IL2RA: variants seen among roughly 807,000 people sequenced by gnomAD.
IL2RA encodes the protein interleukin 2 receptor subunit alpha, also known as interleukin-2 receptor subunit alpha.
IL2RA carries 24 observed loss-of-function variants against 37.8 expected under a neutral mutation model. The ratio of observed to expected loss-of-function variants is 0.63; its 90% CI spans 0.46 to 0.89. The LOEUF (loss-of-function observed/expected upper bound fraction) is 0.89. Ranked by LOEUF, IL2RA falls within the 40% of genes least tolerant of loss-of-function variation. The pLI is 0.00. For synonymous variants in IL2RA, 125 were observed against 114.6 expected, an observed-to-expected ratio of 1.09 and a Z score of -0.58; for missense variants, 319 against 348.6, an observed-to-expected ratio of 0.92 and a Z score of 0.68.
At position 6,018,482 on chromosome 10, in the gene IL2RA, C is replaced by T. The variant is rs902731115; in HGVS notation, c.728-363G>A. ...CACATTAACATCTCCTGAAAGAGGTCGGGTTTTCCAGATGCTGCTCTGCTG... is the reference window on the plus strand; with the variant it reads ...CACATTAACATCTCCTGAAAGAGGTTGGGTTTTCCAGATGCTGCTCTGCTG... On this transcript the variant is annotated intron_variant, in intron 6 of 7. Coordinates refer to ENST00000379959, the MANE Select transcript of IL2RA (RefSeq NM_000417.3). This position sits in a 1 kb window ranked among gnomAD's most constrained non-coding sequence, Gnocchi z 5.1. Among the ~76,000 whole-genome samples, 4 of 152,060 alleles carry T rather than the reference C, an allele frequency of 2.6e-5. No individual in the cohort carries two copies. The highest frequency in any genetic ancestry group is 2.4e-5 in the African/African-American group (1 of 41,370).
intron 1 of IL2RA, among the ~76,000 whole-genome samples, chr10:6,061,212 A>C (rs1361495460): frequency 6.6e-6 from 1 of 152,122 alleles, no homozygotes; most frequent in Non-Finnish European, 1.5e-5. Flanking sequence ...AACATGGCAA[A>C]AACCCCATCT....
rs1050858001 is a variant in IL2RA at position 6,056,394 on chromosome 10, C to T, written c.64+5694G>A. Among the ~76,000 whole-genome samples, 169 of 152,224 alleles carry T rather than the reference C, an allele frequency of 1.1e-3. No homozygotes were observed. Among genetic ancestry groups the T allele is most frequent in the African/African-American group, 3.9e-3 (161 of 41,442 alleles). ...TTAAGAGGGCTGGATTCAAGTTCAGCTTCTATGTGAACTCTTTCAGTGAAG... is the reference window on the plus strand; with the variant it reads ...TTAAGAGGGCTGGATTCAAGTTCAGTTTCTATGTGAACTCTTTCAGTGAAG... On this transcript the variant is annotated intron_variant, in intron 1 of 7. Transcript: ENST00000379959. The surrounding 1 kb of genome is among the most constrained non-coding windows in gnomAD (Gnocchi z 5.0).
intron 1 of IL2RA, among the ~76,000 whole-genome samples, chr10:6,043,438 GT>G (rs1488834875): frequency 6.6e-6 from 1 of 151,714 alleles, no homozygotes; most frequent in East Asian, 1.9e-4. Context: ...TTTTGTTTGT[GT>G]TTGTTTTGTT....
chr10:6,056,905 C>T lies in IL2RA; in HGVS notation c.64+5183G>A, dbSNP rs542799709. Among the ~76,000 whole-genome samples, 1 of 152,224 alleles carries T rather than the reference C, an allele frequency of 6.6e-6. No individual in the cohort carries two copies. Among genetic ancestry groups the T allele is most frequent in the East Asian group, 1.9e-4 (1 of 5,178 alleles). ...CACAAGCAAACAAACAGCAGAGGAC[C>T]CCGCCCTCCCTGTCCAGGGCAGGAG... On this transcript the variant is annotated intron_variant, in intron 1 of 7. Coordinates refer to ENST00000379959, the MANE Select transcript of IL2RA (RefSeq NM_000417.3). The surrounding 1 kb of genome is among the most constrained non-coding windows in gnomAD (Gnocchi z 5.0).
rs1346375358 is a variant in IL2RA, at chr10:6,057,978, T to C, written c.64+4110A>G. On this transcript the variant is annotated intron_variant, in intron 1 of 7. Coordinates refer to ENST00000379959, the MANE Select transcript of IL2RA (RefSeq NM_000417.3). This position sits in a 1 kb window ranked among gnomAD's most constrained non-coding sequence, Gnocchi z 4.8. ...CCGTCTCTACTAAAAATACAAAAAT[T>C]AGCCAGGCGTGGTGGCAGGTGCCTG... is the stretch of plus-strand genomic sequence containing the variant. 6.6e-6 allele frequency among the ~76,000 whole-genome samples: 1 copy of C among 151,946 alleles called. No homozygotes were observed. The highest frequency in any genetic ancestry group is 1.5e-5 in the Non-Finnish European group (1 of 67,970).
rs1280721598 is a variant in IL2RA at position 6,025,706 on chromosome 10, A to G, written c.256+128T>C. 14 of 893,952 alleles carry G rather than the reference A, an allele frequency of 1.6e-5. No individual in the cohort carries two copies. The highest frequency in any genetic ancestry group is 2.5e-5 in the Non-Finnish European group (14 of 555,924). 55.4% of individuals were successfully genotyped at this position (893,952 alleles called of 1,614,324 possible). Reference sequence around the variant, plus strand: ...AGTGAATGACTTTTCAGGAACCACTAAAATTAGTTATCCTGTAGACTGGAC... The same window carrying G: ...AGTGAATGACTTTTCAGGAACCACTGAAATTAGTTATCCTGTAGACTGGAC... On this transcript the variant is annotated intron_variant, in intron 2 of 7. Coordinates refer to ENST00000379959, the MANE Select transcript of IL2RA (RefSeq NM_000417.3). The surrounding 1 kb of genome is among the most constrained non-coding windows in gnomAD (Gnocchi z 4.4).
At chr10:6,032,936 G>A (rs954874288) in intron 1 of IL2RA, among the ~76,000 whole-genome samples, 1 of 152,142 alleles carries the variant, frequency 6.6e-6, no homozygotes, top group Non-Finnish European at 1.5e-5. Flanking sequence ...AATGCAAGTT[G>A]AAAACAATGA....
chr10:6,056,951 C>A lies in IL2RA; in HGVS notation c.64+5137G>T, dbSNP rs1840055328. ...AGGAGCACAGTGGACCACCTGCTGCCCCTGTGTCTTGGGGCCTCTCTCCCT... is the reference window on the plus strand; with the variant it reads ...AGGAGCACAGTGGACCACCTGCTGCACCTGTGTCTTGGGGCCTCTCTCCCT... On this transcript the variant is annotated intron_variant, in intron 1 of 7. Transcript: ENST00000379959. The surrounding 1 kb of genome is among the most constrained non-coding windows in gnomAD (Gnocchi z 5.0). 6.6e-6 allele frequency among the ~76,000 whole-genome samples: 1 copy of A among 152,136 alleles called. No homozygotes were observed. Among genetic ancestry groups the A allele is most frequent in the Non-Finnish European group, 1.5e-5 (1 of 68,030 alleles).
chr10:6,021,800 G>A lies in IL2RA; in HGVS notation c.368-107C>T. On this transcript the variant is annotated intron_variant, in intron 3 of 7. Transcript: ENST00000379959. The surrounding 1 kb of genome is among the most constrained non-coding windows in gnomAD (Gnocchi z 4.9). ...GACCTTGGTTCTTACTCTCTTGACTGCTTGCTCATCCTTTCATTCAACCAA... is the reference window on the plus strand; with the variant it reads ...GACCTTGGTTCTTACTCTCTTGACTACTTGCTCATCCTTTCATTCAACCAA... 1 of 845,412 alleles carries A rather than the reference G, an allele frequency of 1.2e-6. No individual in the cohort carries two copies. Among genetic ancestry groups the A allele is most frequent in the Non-Finnish European group, 2.0e-6 (1 of 503,926 alleles). 52.4% of individuals were successfully genotyped at this position (845,412 alleles called of 1,614,324 possible). A position where few individuals can be genotyped will look rare whatever the true frequency, so the allele number is the denominator to read the frequency against.
rs866801810 is a variant in IL2RA at position 6,021,520 on chromosome 10, G to T, written c.541C>A (p.Gln181Lys). 1 of 1,614,134 alleles carries T rather than the reference G, an allele frequency of 6.2e-7. No individual in the cohort carries two copies. Among genetic ancestry groups the T allele is most frequent in the East Asian group, 2.2e-5 (1 of 44,872 alleles). Residue 181 changes from glutamine to lysine, a missense_variant, in exon 4 of 8, where the codon CAG becomes AAG. Transcript: ENST00000379959. This position sits in a 1 kb window ranked among gnomAD's most constrained non-coding sequence, Gnocchi z 4.9. ...THGKTRWTQPQLICTGEMETS... is the reference protein window; with the variant it reads ...THGKTRWTQPKLICTGEMETS... ...TCCATTTCACCTGTGCATATGAGCT[G>T]GGGCTGGGTCCACCTTGTCTTCCCG... is the stretch of plus-strand genomic sequence containing the variant.
Position 6,044,846 on chromosome 10 carries a change from C to T in IL2RA, c.64+17242G>A, listed in dbSNP as rs1839825758. ...CAAGAGCAGAGCACAAGCCTTGGGC[C>T]ATGGTAGGTTCTGAATGAGTAGTTG... On this transcript the variant is annotated intron_variant, in intron 1 of 7. Transcript: ENST00000379959. This position sits in a 1 kb window ranked among gnomAD's most constrained non-coding sequence, Gnocchi z 4.5. Among the ~76,000 whole-genome samples, 1 of 152,210 alleles carries T rather than the reference C, an allele frequency of 6.6e-6. No individual in the cohort carries two copies. Among genetic ancestry groups the T allele is most frequent in the South Asian group, 2.1e-4 (1 of 4,830 alleles).
chr10:6,043,785 A>C (rs1564549949), intron 1 of IL2RA, among the ~76,000 whole-genome samples: 1 of 152,230 alleles, frequency 6.6e-6, no homozygotes, highest in Non-Finnish European at 1.5e-5. Context: ...CAACCAAGGT[A>C]AACTGTAAAC....
intron 3 of IL2RA, among the ~76,000 whole-genome samples, chr10:6,023,836 G>A (rs979356577): frequency 5.9e-5 from 9 of 152,138 alleles, no homozygotes; most frequent in Non-Finnish European, 8.8e-5. Flanking sequence ...ATTTTTTTGC[G>A]GTGCGTTGTC....
chr10:6,042,509 C>A (rs1208262263), intron 1 of IL2RA, among the ~76,000 whole-genome samples: 1 of 151,934 alleles, frequency 6.6e-6, no homozygotes, highest in Non-Finnish European at 1.5e-5. Context: ...ATTGAACACC[C>A]CAGCTAATGC....
At position 6,013,432 on chromosome 10, in the gene IL2RA, G is replaced by A. The variant is rs570746646; in HGVS notation, c.795-536C>T. 9.9e-5 allele frequency among the ~76,000 whole-genome samples: 15 copies of A among 152,206 alleles called. No homozygotes were observed. In the South Asian group the frequency reaches 2.7e-3, roughly 27 times the overall value. On this transcript the variant is annotated intron_variant, in intron 7 of 7. Transcript: ENST00000379959. ...TAGTGGCTACTGTATTGGACAATAC[G>A]GTCTTAGCCTTTTCCCAGTTCTTAT...
At chr10:6,040,388 CG>C (rs1839753620) in intron 1 of IL2RA, among the ~76,000 whole-genome samples, 1 of 152,110 alleles carries the variant, frequency 6.6e-6, no homozygotes, top group Non-Finnish European at 1.5e-5. Context: ...TAGATTATAA[CG>C]GATTTCAATC....
chr10:6,053,753 C>G (rs779784223), intron 1 of IL2RA, among the ~76,000 whole-genome samples: 8 of 152,224 alleles, frequency 5.3e-5, no homozygotes, highest in African/African-American at 1.9e-4. Flanking sequence ...TCTTGGCCCC[C>G]CAAAGTGCTG....
intron 1 of IL2RA, among the ~76,000 whole-genome samples, chr10:6,043,225 A>G (rs1021345331): frequency 2.0e-5 from 3 of 152,222 alleles, no homozygotes; most frequent in Non-Finnish European, 4.4e-5. Flanking sequence ...TGAATCTCAG[A>G]AACACTGCTG....
intron 1 of IL2RA, among the ~76,000 whole-genome samples, chr10:6,032,543 A>G (rs576025730): frequency 6.6e-6 from 1 of 151,876 alleles, no homozygotes; most frequent in Non-Finnish European, 1.5e-5. Context: ...ATACAAAAAA[A>G]TTAGCCGGGT....
Sources: gnomAD v4.1 joint callset for allele counts (sites outside exome capture counted in the v4.1 genomes callset) on GRCh38, gnomAD v4.1.1 for gene constraint, Gnocchi (gnomAD v3.1) non-coding constraint, MANE v1.5 for transcripts, NCBI Gene and HGNC (gene_info 2026-07-23, HGNC 2026-07-21) for gene names.